EHMT1: variants seen among roughly 807,000 people sequenced by gnomAD.
The protein encoded by EHMT1 is histone-lysine N-methyltransferase EHMT1.
A neutral mutation model predicts 147.2 loss-of-function variants in EHMT1; 15 were observed. That is an observed-to-expected ratio of 0.10 (90% CI 0.07 to 0.16). The LOEUF is 0.16. Ranked by LOEUF, EHMT1 falls within the 10% of genes least tolerant of loss-of-function variation. The pLI, the probability that EHMT1 is intolerant of heterozygous loss-of-function variation, is 1.00. For missense variants in EHMT1, 1,587 were observed against 1,772.4 expected (o/e 0.90, Z 1.88); for synonymous variants, 795 against 709.6 (o/e 1.12, Z -1.91).
chr9:137,675,779 ATTTTTTT>A (rs781380107), intron 1 of EHMT1, among the ~76,000 whole-genome samples: 1 of 95,742 alleles, frequency 1.0e-5, no homozygotes, highest in East Asian at 2.6e-4. Context: ...CGCCCGGCTA[ATTTTTTT>A]TTTTTTTTTT....
chr9:137,728,646 T>C, intron 4 of EHMT1, 117 bp downstream of exon 4: 1 of 1,424,766 alleles, frequency 7.0e-7, no homozygotes, highest in Non-Finnish European at 9.8e-7. Flanking sequence ...TGAATGACTG[T>C]TGACGTCAGC....
At chr9:137,784,382 A>T in intron 15 of EHMT1, 1 of 1,262,732 alleles carries the variant, frequency 7.9e-7, no homozygotes, top group Non-Finnish European at 1.0e-6. Context: ...AATAAATTGC[A>T]TTCAGACCAT....
chr9:137,752,372 C>T lies in EHMT1; in HGVS notation c.1212C>T (p.Thr404=), dbSNP rs1949037761. The T allele has an allele frequency of 1.9e-6, 3 of 1,614,148 alleles. No homozygotes were observed. The highest frequency in any genetic ancestry group is 2.2e-5 in the East Asian group (1 of 44,880). ...ESEEEQESVD[T]GEEEEGGDES... ...AGGAGGAGCAGGAGTCCGTGGACAC[C>T]GGGGAGGAGGAGGAAGGCGGTGACG... Residue 404 remains threonine (T), a synonymous_variant, in exon 7 of 27, where the codon ACC becomes ACT. Coordinates refer to ENST00000460843, the MANE Select transcript of EHMT1 (RefSeq NM_024757.5).
chr9:137,643,673 G>C (rs1273922988), intron 1 of EHMT1, among the ~76,000 whole-genome samples: 2 of 152,102 alleles, frequency 1.3e-5, no homozygotes, highest in Non-Finnish European at 2.9e-5. Flanking sequence ...AGTACTCTGA[G>C]GGTATTGTCT....
At position 137,713,920 on chromosome 9, in the gene EHMT1, A is replaced by AT. The variant is rs1944969643; in HGVS notation, c.86-2706_86-2705insT. Among the ~76,000 whole-genome samples the AT allele has an allele frequency of 5.9e-5, 9 of 152,334 alleles. No homozygotes were observed. In the South Asian group the frequency reaches 1.9e-3, roughly 32 times the overall value. ...GGCAGAGATCATGCCATTGCACTCC[A>AT]GCCTGGGTGACACAGCGAGACTCCA... On this transcript the variant is annotated intron_variant, in intron 2 of 26. Transcript: ENST00000460843.
chr9:137,729,325 A>G (rs984339494), intron 4 of EHMT1, among the ~76,000 whole-genome samples: 1 of 152,188 alleles, frequency 6.6e-6, no homozygotes, highest in Non-Finnish European at 1.5e-5. Context: ...ACGGTGGCTC[A>G]CGCCTGTAAT....
chr9:137,753,436 C>T (rs189925467), intron 7 of EHMT1, among the ~76,000 whole-genome samples: 7 of 152,300 alleles, frequency 4.6e-5, no homozygotes, highest in Non-Finnish European at 7.4e-5. Context: ...ACAGGGGAGC[C>T]GGGGCTGTGT....
intron 1 of EHMT1, among the ~76,000 whole-genome samples, chr9:137,640,712 G>A (rs1410605850): frequency 1.3e-5 from 2 of 152,214 alleles, no homozygotes; most frequent in African/African-American, 4.8e-5. Context: ...GTGCAAAGGG[G>A]GCAGAAAGTT....
At chr9:137,671,464 A>T (rs1323698998) in intron 1 of EHMT1, among the ~76,000 whole-genome samples, 1 of 151,886 alleles carries the variant, frequency 6.6e-6, no homozygotes, top group Non-Finnish European at 1.5e-5. Context: ...GAAGTTAGAT[A>T]ATGCCCTGTC....
intron 1 of EHMT1, among the ~76,000 whole-genome samples, chr9:137,645,187 A>G (rs1230773193): frequency 6.6e-6 from 1 of 152,244 alleles, no homozygotes; most frequent in Non-Finnish European, 1.5e-5. Context: ...TAGCTGTATT[A>G]GTTCCCCAAC....
At chr9:137,674,844 A>T (rs1311034839) in intron 1 of EHMT1, 2 of 152,222 alleles carry the variant, frequency 1.3e-5, no homozygotes, top group Non-Finnish European at 2.9e-5. Context: ...AGCAGGGGGA[A>T]GGGTGATGGT....
chr9:137,789,511 C>T (rs1296261752), intron 15 of EHMT1, among the ~76,000 whole-genome samples: 1 of 152,184 alleles, frequency 6.6e-6, no homozygotes, highest in African/African-American at 2.4e-5. Flanking sequence ...CTGTCGTAGA[C>T]TTCTGACGCT....
chr9:137,716,620 T>C lies in EHMT1; in HGVS notation c.86-6T>C, dbSNP rs1401943772. 10 of 1,547,810 alleles carry C rather than the reference T, an allele frequency of 6.5e-6. No individual in the cohort carries two copies. Among genetic ancestry groups the C allele is most frequent in the Non-Finnish European group, 7.9e-6 (9 of 1,146,208 alleles). On this transcript the variant is annotated splice_polypyrimidine_tract_variant and splice_region_variant and intron_variant, in intron 2 of 26. Coordinates refer to ENST00000460843, the MANE Select transcript of EHMT1 (RefSeq NM_024757.5). ...CAGTCAGTGACACTCGTTTCTTTGT[T>C]GGCAGAGACACCTATGGCTGCCGAT...
At chr9:137,831,143 C>G (rs917397821) in intron 25 of EHMT1, among the ~76,000 whole-genome samples, 1 of 152,184 alleles carries the variant, frequency 6.6e-6, no homozygotes, top group Non-Finnish European at 1.5e-5. Context: ...ATCGCTTTCC[C>G]AAAGCCTCAC....
intron 1 of EHMT1, among the ~76,000 whole-genome samples, chr9:137,703,485 C>A (rs184808106): frequency 6.6e-6 from 1 of 152,320 alleles, no homozygotes; most frequent in Admixed American, 6.5e-5. Flanking sequence ...ATCTTGACTG[C>A]TTTGCTACTT....
At chr9:137,669,860 A>T (rs1467821120) in intron 1 of EHMT1, among the ~76,000 whole-genome samples, 3 of 151,816 alleles carry the variant, frequency 2.0e-5, no homozygotes, top group East Asian at 1.9e-4. Flanking sequence ...GGCCAAAAAG[A>T]TTTTTTTGGA....
At chr9:137,825,762 G>A (rs1290480554) in intron 25 of EHMT1, among the ~76,000 whole-genome samples, 3 of 152,172 alleles carry the variant, frequency 2.0e-5, no homozygotes. Flanking sequence ...TGTTTTGTGT[G>A]TGTGTGCCCG....
At chr9:137,811,942 G>A (rs1954523081) in intron 19 of EHMT1, among the ~76,000 whole-genome samples, 1 of 152,236 alleles carries the variant, frequency 6.6e-6, no homozygotes, top group Non-Finnish European at 1.5e-5. Flanking sequence ...CCAGCTCAGA[G>A]TCCCCGAGAG....
intron 16 of EHMT1, among the ~76,000 whole-genome samples, 176 bp downstream of exon 16, chr9:137,791,146 A>G (rs1216501534): frequency 6.6e-6 from 1 of 152,216 alleles, no homozygotes; most frequent in African/African-American, 2.4e-5. Flanking sequence ...ATTAAAAACT[A>G]CTAGTGAGTG....
Sources: allele counts gnomAD v4.1 joint callset (sites outside exome capture counted in the v4.1 genomes callset), GRCh38; gene constraint gnomAD v4.1.1; transcripts MANE v1.5; gene names NCBI Gene and HGNC (gene_info 2026-07-23, HGNC 2026-07-21).